NPTN: variants seen among roughly 807,000 people sequenced by gnomAD.
The protein encoded by NPTN is SDR-1.
NPTN carries 5 observed loss-of-function variants against 42.7 expected under a neutral mutation model. The observed-to-expected ratio is 0.12, with a 90% CI of 0.06 to 0.25. The LOEUF (loss-of-function observed/expected upper bound fraction) is 0.25, where lower values mean the gene tolerates loss of function less well. Among genes scored for constraint, NPTN ranks in the 10% least tolerant of loss-of-function variants. NPTN has a pLI of 1.00. For synonymous variants in NPTN, 180 were observed against 201.9 expected (o/e 0.89, Z 0.92); for missense variants, 307 against 525.4 (o/e 0.58, Z 4.06).
chr15:73,586,772 CATG>C (rs1896339485), intron 4 of NPTN, among the ~76,000 whole-genome samples: 2 of 152,174 alleles, frequency 1.3e-5, no homozygotes, highest in Non-Finnish European at 2.9e-5. Context: ...CCTGCCTTCT[CATG>C]ATAATTTTGT....
chr15:73,604,587 G>GTCTAT (rs1278484711), intron 1 of NPTN, among the ~76,000 whole-genome samples: 1 of 152,150 alleles, frequency 6.6e-6, no homozygotes, highest in Non-Finnish European at 1.5e-5. Flanking sequence ...ACAGTTAAGG[G>GTCTAT]TCTATTAAGA....
intron 4 of NPTN, among the ~76,000 whole-genome samples, chr15:73,583,958 A>C (rs1158267882): frequency 6.6e-6 from 1 of 152,182 alleles, no homozygotes; most frequent in East Asian, 1.9e-4. Flanking sequence ...ACAGAATAGG[A>C]AATAGGAAGG....
rs1190838468 is a variant in NPTN, at chr15:73,633,378, C to A, written c.-163G>T. ...CCCCGTCCTCCTCCTGCCGCCGCAG[C>A]GCCCAGGCCTCGCGAGACCTTCGCT... On this transcript the variant is annotated 5_prime_UTR_variant, in exon 1 of 9. Transcript: ENST00000345330. 1 of 491,786 alleles carries A rather than the reference C, an allele frequency of 2.0e-6. No homozygotes were observed. The highest frequency in any genetic ancestry group is 3.4e-6 in the Non-Finnish European group (1 of 290,514). 30.5% of individuals were successfully genotyped at this position (491,786 alleles called of 1,614,324 possible). A position where few individuals can be genotyped will look rare whatever the true frequency, so the allele number is the denominator to read the frequency against.
Position 73,597,373 on chromosome 15 carries a change from G to C in NPTN, c.92-4C>G, listed in dbSNP as rs1328608873. On this transcript the variant is annotated splice_polypyrimidine_tract_variant and splice_region_variant and intron_variant, in intron 1 of 8. Coordinates refer to ENST00000345330, the MANE Select transcript of NPTN (RefSeq NM_012428.4). The surrounding 1 kb of genome is among the most constrained non-coding windows in gnomAD (Gnocchi z 6.3). ...ATGGGCGACTTGACAAACCCAGCTA[G>C]AGGGAGGGGGAGCAGGAATGCAGTG... 4 of 1,605,180 alleles carry C rather than the reference G, an allele frequency of 2.5e-6. No homozygotes were observed. The highest frequency in any genetic ancestry group is 3.4e-6 in the Non-Finnish European group (4 of 1,173,616).
chr15:73,579,556 G>A (rs1490429060), intron 4 of NPTN, among the ~76,000 whole-genome samples: 2 of 151,778 alleles, frequency 1.3e-5, no homozygotes, highest in Admixed American at 6.6e-5. Flanking sequence ...AAGTTGAGTC[G>A]GCAGCTGCAC....
intron 4 of NPTN, among the ~76,000 whole-genome samples, chr15:73,574,817 G>A (rs1020344685): frequency 6.6e-6 from 1 of 152,162 alleles, no homozygotes; most frequent in African/African-American, 2.4e-5. Flanking sequence ...CATGCTAGAG[G>A]CCGTTGGTCT....
chr15:73,563,552 C>T, intron 6 of NPTN: 1 of 1,213,598 alleles, frequency 8.2e-7, no homozygotes, highest in Non-Finnish European at 1.0e-6. Context: ...CATTGTTATA[C>T]TCATCTTGTC....
At chr15:73,607,536 T>C (rs1396458266) in intron 1 of NPTN, among the ~76,000 whole-genome samples, 1 of 152,202 alleles carries the variant, frequency 6.6e-6, no homozygotes, top group Non-Finnish European at 1.5e-5. Flanking sequence ...AGTAAGCTAC[T>C]TCTCCCCACC....
At chr15:73,563,081 T>C (rs982387219) in intron 7 of NPTN, among the ~76,000 whole-genome samples, 155 bp downstream of exon 7, 4 of 152,200 alleles carry the variant, frequency 2.6e-5, no homozygotes, top group Admixed American at 6.5e-5. Context: ...AAGTGGTTTT[T>C]AGTCAGATCT....
chr15:73,605,188 G>A, intron 1 of NPTN, among the ~76,000 whole-genome samples: 1 of 151,806 alleles, frequency 6.6e-6, no homozygotes, highest in South Asian at 2.1e-4. Context: ...TGGGGGCAGG[G>A]CTCACACACA....
intron 1 of NPTN, among the ~76,000 whole-genome samples, chr15:73,601,078 T>C (rs945333883): frequency 6.6e-6 from 1 of 152,170 alleles, no homozygotes; most frequent in Admixed American, 6.5e-5. Context: ...ATACATCACA[T>C]CTCATTTCAT....
chr15:73,562,999 A>G (rs1566954750), intron 7 of NPTN, among the ~76,000 whole-genome samples: 1 of 152,138 alleles, frequency 6.6e-6, no homozygotes, highest in South Asian at 2.1e-4. Context: ...GAAAAAAAAA[A>G]AAGTTTTTTG....
intron 1 of NPTN, among the ~76,000 whole-genome samples, chr15:73,598,348 A>G (rs955887149): frequency 1.3e-5 from 2 of 152,184 alleles, no homozygotes; most frequent in African/African-American, 2.4e-5. Context: ...CTAGGGTGAA[A>G]GCCAGGCCTC....
intron 7 of NPTN, 46 bp from the exon 8 acceptor site, chr15:73,562,016 C>G (rs1894704181): frequency 7.2e-7 from 1 of 1,396,176 alleles, no homozygotes; most frequent in Non-Finnish European, 1.0e-6. Context: ...CAGTCAATAA[C>G]TTTTCAAAGT....
rs1896685339 is a variant in NPTN, at chr15:73,593,339, C to T, written c.440-1202G>A. ...AGGCTTAGTTTTCTCTACTTTTGAT[C>T]AAACATTTCCAGGTGAAGTCTACAC... On this transcript the variant is annotated intron_variant, in intron 2 of 8. Transcript: ENST00000345330. 2.0e-5 allele frequency among the ~76,000 whole-genome samples: 3 copies of T among 152,130 alleles called. No individual in the cohort carries two copies. In the South Asian group the frequency reaches 6.2e-4, roughly 32 times the overall value.
chr15:73,585,821 C>A (rs1416402306), intron 4 of NPTN, among the ~76,000 whole-genome samples: 1 of 152,182 alleles, frequency 6.6e-6, no homozygotes, highest in African/African-American at 2.4e-5. Flanking sequence ...TCCAACAGTG[C>A]ACAGTAAGCA....
At chr15:73,566,726 G>T (rs550943940) in intron 6 of NPTN, among the ~76,000 whole-genome samples, 2 of 152,276 alleles carry the variant, frequency 1.3e-5, no homozygotes, top group Non-Finnish European at 2.9e-5. Flanking sequence ...AGCTTGACCT[G>T]GTCTTTTTAG....
chr15:73,569,300 G>A lies in NPTN; in HGVS notation c.1114+850C>T, dbSNP rs139397520. 10 of 985,518 alleles carry A rather than the reference G, an allele frequency of 1.0e-5. No individual in the cohort carries two copies. The African/African-American group carries it at 1.0e-4, about 10-fold the overall frequency. The allele number at this position is 985,518 out of a possible 1,614,324, so 61.0% of individuals were successfully genotyped here. A position where few individuals can be genotyped will look rare whatever the true frequency, so the allele number is the denominator to read the frequency against. Reference sequence around the variant, plus strand: ...AGCTTCCCCCTTCACAGGAAAAATCGATCACCAAAAATTTCCCAAGGCTTT... The same window carrying A: ...AGCTTCCCCCTTCACAGGAAAAATCAATCACCAAAAATTTCCCAAGGCTTT... On this transcript the variant is annotated intron_variant, in intron 6 of 8. Coordinates refer to ENST00000345330, the MANE Select transcript of NPTN (RefSeq NM_012428.4). This position sits in a 1 kb window ranked among gnomAD's most constrained non-coding sequence, Gnocchi z 4.1.
chr15:73,593,275 T>C (rs527777410), intron 2 of NPTN, among the ~76,000 whole-genome samples: 1 of 152,236 alleles, frequency 6.6e-6, no homozygotes, highest in Non-Finnish European at 1.5e-5. Context: ...TCTATGTTTG[T>C]TGTCTTTTGT....
Sources: gnomAD v4.1 joint callset for allele counts (sites outside exome capture counted in the v4.1 genomes callset) on GRCh38, gnomAD v4.1.1 for gene constraint, Gnocchi (gnomAD v3.1) non-coding constraint, MANE v1.5 for transcripts, NCBI Gene and HGNC (gene_info 2026-07-23, HGNC 2026-07-21) for gene names.